The following PLCH1 variants were observed in gnomAD, a reference collection of about 807,000 sequenced individuals.
PLCH1 encodes phospholipase C eta 1.
In PLCH1, 60 loss-of-function variants were observed where a neutral mutation model predicts 126.7. That is an observed-to-expected ratio of 0.47 (90% CI 0.38 to 0.59). PLCH1 has a LOEUF of 0.59. Ranked by LOEUF, PLCH1 falls within the 20% of genes least tolerant of loss-of-function variation. PLCH1 has a pLI of 0.00. For missense variants in PLCH1, 1,723 were observed against 2,040.0 expected (o/e 0.84, Z 2.99); for synonymous variants, 719 against 734.9 (o/e 0.98, Z 0.35).
intron 4 of PLCH1, 83 bp downstream of exon 4, chr3:155,593,858 T>C (rs1260053816): frequency 7.3e-7 from 1 of 1,362,220 alleles, no homozygotes; most frequent in East Asian, 2.3e-5. Flanking sequence ...AATTAAAACA[T>C]AGTCTAATCC....
In PLCH1 at chr3:155,726,924, G is replaced by A. The variant is rs1470968461; in HGVS notation, c.-41+17916C>T. Among the ~76,000 whole-genome samples, 11 of 141,054 alleles carry A rather than the reference G, an allele frequency of 7.8e-5. No individual in the cohort carries two copies. In the South Asian group the frequency reaches 8.7e-4, roughly 11 times the overall value. 92.5% of individuals were successfully genotyped at this position (141,054 alleles called of 152,430 possible). ...TTTAGTAGAGACACGGTTTCACCAC[G>A]TTGGCCAGGATGGTCTCGAACTCCT... On this transcript the variant is annotated intron_variant, in intron 1 of 22. Transcript: ENST00000460012.
At chr3:155,631,775 CA>C (rs1303228670) in intron 2 of PLCH1, among the ~76,000 whole-genome samples, 4 of 152,156 alleles carry the variant, frequency 2.6e-5, no homozygotes, top group South Asian at 2.1e-4. Context: ...TTGCTCTGTG[CA>C]AGACAGTGCT....
chr3:155,519,429 C>G (rs1720774144), intron 11 of PLCH1, among the ~76,000 whole-genome samples: 1 of 152,062 alleles, frequency 6.6e-6, no homozygotes, highest in Admixed American at 6.6e-5. Context: ...ATAAATTAAA[C>G]ATATTCTCAT....
chr3:155,456,902 C>G (rs1169216858), intron 21 of PLCH1: 1 of 152,898 alleles, frequency 6.5e-6, no homozygotes, highest in Non-Finnish European at 1.5e-5. Flanking sequence ...TTGGGTGGCC[C>G]AGTGCAAAAT....
chr3:155,694,298 G>A (rs914328592), intron 2 of PLCH1, among the ~76,000 whole-genome samples: 2 of 152,182 alleles, frequency 1.3e-5, no homozygotes, highest in African/African-American at 2.4e-5. Flanking sequence ...CAGAGCCTCT[G>A]AGCTGGGACC....
chr3:155,674,494 T>G (rs1577299792), intron 2 of PLCH1, among the ~76,000 whole-genome samples: 1 of 152,292 alleles, frequency 6.6e-6, no homozygotes, highest in South Asian at 2.1e-4. Context: ...CCTTTTAAAA[T>G]TGATCTGGAA....
intron 15 of PLCH1, among the ~76,000 whole-genome samples, chr3:155,495,034 A>G (rs1716829680): frequency 6.6e-6 from 1 of 152,246 alleles, no homozygotes. Context: ...TTATAAAAAT[A>G]AAAAGTTGAG....
In PLCH1 at chr3:155,482,546, T is replaced by C. The variant is rs1457369703; in HGVS notation, c.3480A>G (p.Ser1160=). ...TTACACTCTCCTGCAGAATTGCAGT[T>C]GAATGTAGGTCAGGTATGTCAGAAC... ...MLCSDIPDLH[S]TAILQESVIS... The change falls in exon 23 of 23, where the codon TCA becomes TCG. Residue 1160 remains serine (S), a synonymous_variant. Coordinates refer to ENST00000460012, the MANE Select transcript of PLCH1 (RefSeq NM_014996.4). 3.1e-6 allele frequency: 5 copies of C among 1,614,176 alleles called. No homozygotes were observed. Among genetic ancestry groups the C allele is most frequent in the Non-Finnish European group, 4.2e-6 (5 of 1,180,022 alleles).
At chr3:155,496,061 C>A (rs959626797) in intron 15 of PLCH1, among the ~76,000 whole-genome samples, 1 of 152,100 alleles carries the variant, frequency 6.6e-6, no homozygotes, top group Non-Finnish European at 1.5e-5. Context: ...ATTGATACGA[C>A]CTTGCTAATT....
chr3:155,638,427 G>A (rs953367693), intron 2 of PLCH1, among the ~76,000 whole-genome samples: 1 of 152,194 alleles, frequency 6.6e-6, no homozygotes, highest in Non-Finnish European at 1.5e-5. Flanking sequence ...TGCTATAAGA[G>A]AGAATCGAAA....
chr3:155,486,627 C>G (rs935699388), intron 21 of PLCH1, among the ~76,000 whole-genome samples: 1 of 151,282 alleles, frequency 6.6e-6, no homozygotes, highest in Admixed American at 6.6e-5. Context: ...CGGGTTCACG[C>G]CATTCTCCTG....
At chr3:155,634,654 C>T (rs1284399756) in intron 2 of PLCH1, among the ~76,000 whole-genome samples, 2 of 152,200 alleles carry the variant, frequency 1.3e-5, no homozygotes, top group Non-Finnish European at 2.9e-5. Flanking sequence ...AACTGCTTCT[C>T]TCAGAACTGC....
intron 2 of PLCH1, among the ~76,000 whole-genome samples, chr3:155,653,578 T>C (rs1464353457): frequency 6.6e-6 from 1 of 152,166 alleles, no homozygotes; most frequent in Non-Finnish European, 1.5e-5. Context: ...TCATTTTAAA[T>C]ATATACCCTC....
chr3:155,604,550 G>A (rs1361063013), intron 2 of PLCH1, among the ~76,000 whole-genome samples: 4 of 152,064 alleles, frequency 2.6e-5, no homozygotes, highest in Non-Finnish European at 5.9e-5. Flanking sequence ...TCAAAGAAAG[G>A]GTGAAAGGAA....
intron 10 of PLCH1, among the ~76,000 whole-genome samples, chr3:155,542,201 C>T (rs542916503): frequency 2.3e-4 from 35 of 152,308 alleles, no homozygotes; most frequent in African/African-American, 7.0e-4. Context: ...GCTTTTCCGA[C>T]GGGCTTAAAA....
Position 155,548,633 on chromosome 3 carries a change from A to G in PLCH1, c.1362+1154T>C, listed in dbSNP as rs537511181. Reference sequence around the variant, plus strand: ...TATTTAGGAAGTAGAAACATTTACAAGGTTATAAAGATGACATTTCATTTT... The same window carrying G: ...TATTTAGGAAGTAGAAACATTTACAGGGTTATAAAGATGACATTTCATTTT... On this transcript the variant is annotated intron_variant, in intron 10 of 22. Transcript: ENST00000460012. 3.9e-5 allele frequency among the ~76,000 whole-genome samples: 6 copies of G among 152,376 alleles called. No individual in the cohort carries two copies. In the South Asian group the frequency reaches 1.2e-3, roughly 32 times the overall value.
rs574220131 is a variant in PLCH1 at position 155,706,931 on chromosome 3, T to C, written c.-40-2667A>G. On this transcript the variant is annotated intron_variant, in intron 1 of 22. Transcript: ENST00000460012. ...CAGCATCAGCCACAGACATGTGCTATATTGAATGTTTGTGTCTGCCCCAAA... is the reference window on the plus strand; with the variant it reads ...CAGCATCAGCCACAGACATGTGCTACATTGAATGTTTGTGTCTGCCCCAAA... Among the ~76,000 whole-genome samples the C allele has an allele frequency of 2.0e-3, 297 of 152,280 alleles. 4 individuals carry two copies. The highest frequency in any genetic ancestry group is 1.7e-3 in the Non-Finnish European group (115 of 68,024).
At chr3:155,706,330 C>CA (rs887657065) in intron 1 of PLCH1, among the ~76,000 whole-genome samples, 4 of 147,796 alleles carry the variant, frequency 2.7e-5, no homozygotes, top group Admixed American at 6.7e-5. Flanking sequence ...ACTAAAAATA[C>CA]AAAAAATTAG....
At position 155,608,583 on chromosome 3, in the gene PLCH1, C is replaced by T. The variant is rs142176737; in HGVS notation, c.80-12205G>A. On this transcript the variant is annotated intron_variant, in intron 2 of 22. Transcript: ENST00000460012. ...AGCTTCATGGAAGCTGTGTGAGGCC[C>T]GTCACTGCCAGCTTTCCCCCACTTC... Among the ~76,000 whole-genome samples the T allele has an allele frequency of 7.3e-3, 1,101 of 151,584 alleles. 7 individuals are homozygous for T. The highest frequency in any genetic ancestry group is 0.021 in the South Asian group (100 of 4,808).
Sources: allele counts gnomAD v4.1 joint callset (sites outside exome capture counted in the v4.1 genomes callset), GRCh38; gene constraint gnomAD v4.1.1; transcripts MANE v1.5; gene names NCBI Gene and HGNC (gene_info 2026-07-23, HGNC 2026-07-21).